The following RBFOX3 variants were observed in gnomAD, a reference collection of about 807,000 sequenced individuals.
RBFOX3 encodes RNA binding protein fox-1 homolog 3.
RBFOX3 carries 17 observed loss-of-function variants against 48.7 expected under a neutral mutation model. The ratio of observed to expected loss-of-function variants is 0.35; its 90% CI spans 0.24 to 0.52. RBFOX3 has a LOEUF of 0.52. Among genes scored for constraint, RBFOX3 ranks in the 20% least tolerant of loss-of-function variants. RBFOX3 has a pLI of 0.94. For synonymous variants in RBFOX3, 212 were observed against 209.5 expected, an observed-to-expected ratio of 1.01 and a Z score of -0.10; for missense variants, 382 against 497.5, an observed-to-expected ratio of 0.77 and a Z score of 2.21.
At chr17:79,323,864 G>A (rs1319960284) in intron 2 of RBFOX3, among the ~76,000 whole-genome samples, 3 of 152,232 alleles carry the variant, frequency 2.0e-5, no homozygotes, top group African/African-American at 7.2e-5. Flanking sequence ...CCAATTGTTT[G>A]GGCAGATTGC....
chr17:79,155,192 G>T (rs944712424), intron 4 of RBFOX3, among the ~76,000 whole-genome samples: 33 of 152,374 alleles, frequency 2.2e-4, no homozygotes, highest in African/African-American at 7.7e-4. Flanking sequence ...CTGTGCCTTG[G>T]TGAGGTTTTA....
chr17:79,500,448 G>A (rs890178733), intron 1 of RBFOX3, among the ~76,000 whole-genome samples: 2 of 151,902 alleles, frequency 1.3e-5, no homozygotes, highest in South Asian at 4.2e-4. Flanking sequence ...GTAGAGACAG[G>A]GTTTCTCCAT....
intron 2 of RBFOX3, among the ~76,000 whole-genome samples, chr17:79,335,409 A>G (rs1052555603): frequency 6.6e-6 from 1 of 152,224 alleles, no homozygotes; most frequent in Non-Finnish European, 1.5e-5. Flanking sequence ...ATGTTTTCAC[A>G]TGCACGTTTT....
intron 4 of RBFOX3, among the ~76,000 whole-genome samples, chr17:79,157,213 C>T (rs2046010156): frequency 6.6e-6 from 1 of 152,182 alleles, no homozygotes; most frequent in African/African-American, 2.4e-5. Context: ...ACCCCAGGGG[C>T]CCCCACTCTG....
At chr17:79,469,837 C>A (rs998035958) in intron 2 of RBFOX3, among the ~76,000 whole-genome samples, 1 of 152,156 alleles carries the variant, frequency 6.6e-6, no homozygotes, top group Non-Finnish European at 1.5e-5. Context: ...TGGGGGAGCA[C>A]GTGCACGGAG....
chr17:79,145,026 CA>C lies in RBFOX3; in HGVS notation c.-33-29279del, dbSNP rs1417736129. 3.9e-5 allele frequency among the ~76,000 whole-genome samples: 6 copies of C among 152,326 alleles called. No individual in the cohort carries two copies. In the East Asian group the frequency reaches 1.2e-3, roughly 29 times the overall value. ...CACAATGATGCCTCGAGGCTCTCAG[CA>C]GGGACTGGCACTGAATCGCAGCAAG... On this transcript the variant is annotated intron_variant, in intron 4 of 14. Transcript: ENST00000693108.
intron 1 of RBFOX3, among the ~76,000 whole-genome samples, chr17:79,589,019 G>T (rs937753455): frequency 2.6e-5 from 4 of 151,624 alleles, no homozygotes; most frequent in African/African-American, 9.7e-5. Context: ...GCCATATAGT[G>T]AGACCCCGTC....
At chr17:79,627,713 T>A in the RBFOX3 span, among the ~76,000 whole-genome samples, 1 of 152,166 alleles carries the variant, frequency 6.6e-6, no homozygotes, top group Non-Finnish European at 1.5e-5. Flanking sequence ...GGTGAGCTGC[T>A]TATTGCTGGA....
At chr17:79,557,541 G>A (rs1200034655) in intron 1 of RBFOX3, among the ~76,000 whole-genome samples, 2 of 152,238 alleles carry the variant, frequency 1.3e-5, no homozygotes, top group African/African-American at 2.4e-5. Context: ...TGGGGGGAAA[G>A]GGGGGAAGAG....
chr17:79,658,348 C>A, the RBFOX3 span, among the ~76,000 whole-genome samples: 1 of 113,102 alleles, frequency 8.8e-6, no homozygotes, highest in African/African-American at 3.7e-5. Flanking sequence ...TCCTCCCCCT[C>A]CACCCCTCCC....
chr17:79,445,474 G>A (rs892336782), intron 2 of RBFOX3, among the ~76,000 whole-genome samples: 2 of 152,120 alleles, frequency 1.3e-5, no homozygotes, highest in East Asian at 1.9e-4. Context: ...CTCAGGACCC[G>A]CCTCGATTTC....
At chr17:79,271,721 C>T (rs528399983) in intron 3 of RBFOX3, among the ~76,000 whole-genome samples, 2 of 150,692 alleles carry the variant, frequency 1.3e-5, no homozygotes, top group African/African-American at 4.9e-5. Flanking sequence ...CTCTGGACCC[C>T]GTTGCCTAAT....
At chr17:79,305,569 A>G (rs983704108) in intron 3 of RBFOX3, among the ~76,000 whole-genome samples, 1 of 152,048 alleles carries the variant, frequency 6.6e-6, no homozygotes, top group African/African-American at 2.4e-5. Context: ...CCCTCCAGTG[A>G]GCCCCTGAAC....
intron 2 of RBFOX3, among the ~76,000 whole-genome samples, chr17:79,463,996 T>C (rs2075986292): frequency 1.3e-5 from 2 of 152,082 alleles, no homozygotes; most frequent in Admixed American, 1.3e-4. Flanking sequence ...TCCACCACCA[T>C]TGGTAGCAGC....
At chr17:79,408,447 ATG>A (rs931970268) in intron 2 of RBFOX3, among the ~76,000 whole-genome samples, 2 of 152,196 alleles carry the variant, frequency 1.3e-5, no homozygotes, top group African/African-American at 4.8e-5. Flanking sequence ...TCTGAGCAGG[ATG>A]GGGGCCCAGG....
At chr17:79,618,177 T>C in the RBFOX3 span, among the ~76,000 whole-genome samples, 1 of 152,276 alleles carries the variant, frequency 6.6e-6, no homozygotes, top group East Asian at 1.9e-4. Flanking sequence ...ACAGCTGTGT[T>C]TGGGGAGCGG....
intron 2 of RBFOX3, among the ~76,000 whole-genome samples, chr17:79,337,921 T>C (rs1230222240): frequency 6.6e-6 from 1 of 152,018 alleles, no homozygotes; most frequent in African/African-American, 2.4e-5. Flanking sequence ...TTTCATGTGT[T>C]TGCTGGCATA....
intron 3 of RBFOX3, among the ~76,000 whole-genome samples, chr17:79,307,484 TTA>T (rs2076255433): frequency 6.9e-6 from 1 of 145,440 alleles, no homozygotes; most frequent in Non-Finnish European, 1.5e-5. Flanking sequence ...TAATTATCTA[TTA>T]TATACTCGCT....
intron 1 of RBFOX3, among the ~76,000 whole-genome samples, chr17:79,584,463 C>T (rs1179905060): frequency 2.0e-5 from 3 of 152,196 alleles, no homozygotes; most frequent in African/African-American, 4.8e-5. Flanking sequence ...CAGCACAATC[C>T]GCAATTACAA....
Sources: allele counts gnomAD v4.1 joint callset (sites outside exome capture counted in the v4.1 genomes callset), GRCh38; gene constraint gnomAD v4.1.1; transcripts MANE v1.5; gene names NCBI Gene and HGNC (gene_info 2026-07-23, HGNC 2026-07-21).